Variants in IGSF21 observed in about 807,000 individuals in gnomAD.
IGSF21 encodes immunoglobulin superfamily member 21.
In IGSF21, 28 loss-of-function variants were observed where a neutral mutation model predicts 46.8. The ratio of observed to expected loss-of-function variants is 0.60; its 90% CI spans 0.44 to 0.82. The LOEUF is 0.82. Among genes scored for constraint, IGSF21 ranks in the 40% least tolerant of loss-of-function variants. The pLI, the probability that IGSF21 is intolerant of heterozygous loss-of-function variation, is 0.00. For missense variants in IGSF21, 624 were observed against 665.5 expected, an observed-to-expected ratio of 0.94 and a Z score of 0.69; for synonymous variants, 284 against 273.6, an observed-to-expected ratio of 1.04 and a Z score of -0.38.
At chr1:18,160,924 T>C (rs2086614594) in intron 1 of IGSF21, among the ~76,000 whole-genome samples, 1 of 152,154 alleles carries the variant, frequency 6.6e-6, no homozygotes, top group Non-Finnish European at 1.5e-5. Flanking sequence ...TGACTTGGCC[T>C]GCTCGAGATG....
At chr1:18,242,059 T>C (rs2084735747) in intron 2 of IGSF21, among the ~76,000 whole-genome samples, 1 of 151,674 alleles carries the variant, frequency 6.6e-6, no homozygotes, top group Non-Finnish European at 1.5e-5. Context: ...GTCCTCATCA[T>C]CACCCTGCCG....
In IGSF21 at chr1:18,229,078, A is replaced by AATGACTTGGTTCATGGGCTATAGT. The variant is rs1466351698; in HGVS notation, c.183+1069_183+1092dup. ...GCTGGCTGTACAGAACAGGCTATAG[A>AATGACTTGGTTCATGGGCTATAGT]ATGACTTGGTTCATGGGCTATAGTT... On this transcript the variant is annotated intron_variant, in intron 2 of 9. Coordinates refer to ENST00000251296, the MANE Select transcript of IGSF21 (RefSeq NM_032880.5). 3.6e-3 allele frequency among the ~76,000 whole-genome samples: 542 copies of AATGACTTGGTTCATGGGCTATAGT among 152,264 alleles called. 11 individuals carry two copies. Among genetic ancestry groups the AATGACTTGGTTCATGGGCTATAGT allele is most frequent in the Non-Finnish European group, 6.0e-4 (41 of 68,020 alleles).
chr1:18,155,313 A>G (rs2086558780), intron 1 of IGSF21, among the ~76,000 whole-genome samples: 1 of 152,120 alleles, frequency 6.6e-6, no homozygotes, highest in Admixed American at 6.5e-5. Context: ...GAGTCCTCTG[A>G]GTTTTGGCCC....
chr1:18,184,414 T>A (rs1339333482), intron 1 of IGSF21, among the ~76,000 whole-genome samples: 1 of 152,206 alleles, frequency 6.6e-6, no homozygotes, highest in Non-Finnish European at 1.5e-5. Context: ...CGGTCCTGGT[T>A]AAGCCAAGCT....
rs548135994 is a variant in IGSF21 at position 18,322,092 on chromosome 1, T to C, written c.306-12800T>C. Reference sequence around the variant, plus strand: ...CTAGAGAGGTTATTAGCTATTATTGTTCTTATTGCAAAAGGCTTTCCCTGA... The same window carrying C: ...CTAGAGAGGTTATTAGCTATTATTGCTCTTATTGCAAAAGGCTTTCCCTGA... On this transcript the variant is annotated intron_variant, in intron 3 of 9. Coordinates refer to ENST00000251296, the MANE Select transcript of IGSF21 (RefSeq NM_032880.5). The surrounding 1 kb of genome is among the most constrained non-coding windows in gnomAD (Gnocchi z 4.3). Among the ~76,000 whole-genome samples, 1 of 152,288 alleles carries C rather than the reference T, an allele frequency of 6.6e-6. No homozygotes were observed. Among genetic ancestry groups the C allele is most frequent in the Admixed American group, 6.5e-5 (1 of 15,298 alleles).
intron 2 of IGSF21, among the ~76,000 whole-genome samples, chr1:18,273,415 T>TTTCCTTTCC (rs2085064782): frequency 5.9e-5 from 5 of 84,968 alleles, no homozygotes; most frequent in Admixed American, 1.4e-4. Context: ...CTTTCCTTTC[T>TTTCCTTTCC]TTTCCTTTCC....
intron 1 of IGSF21, among the ~76,000 whole-genome samples, chr1:18,184,435 C>T (rs530700027): frequency 1.4e-4 from 21 of 152,302 alleles, no homozygotes; most frequent in Middle Eastern, 3.4e-3. Context: ...ACACAGATTT[C>T]GTTCCTTTAA....
At chr1:18,301,761 T>C (rs992870843) in intron 3 of IGSF21, among the ~76,000 whole-genome samples, 6 of 152,162 alleles carry the variant, frequency 3.9e-5, no homozygotes, top group Admixed American at 3.9e-4. Flanking sequence ...CTACCCAGGA[T>C]GCTTGGTCCC....
intron 3 of IGSF21, among the ~76,000 whole-genome samples, chr1:18,327,577 T>C (rs2085669987): frequency 6.6e-6 from 1 of 151,994 alleles, no homozygotes; most frequent in Non-Finnish European, 1.5e-5. Context: ...GACGCAACAA[T>C]TGGTGAAGGC....
At position 18,376,940 on chromosome 1, in the gene IGSF21, C is replaced by G; in HGVS notation, c.1242C>G (p.Thr414=). ...TCAATGGCTCCATGTATCGCTGCACCGCCCAGAACCCACTGGGCTCCACCG... is the reference window on the plus strand; with the variant it reads ...TCAATGGCTCCATGTATCGCTGCACGGCCCAGAACCCACTGGGCTCCACCG... ...AELNGSMYRC[T]AQNPLGSTDT... is the part of the protein sequence containing the mutation. The change falls in exon 8 of 10, where the codon ACC becomes ACG. Residue 414 remains threonine (T), a synonymous_variant. Transcript: ENST00000251296. 1.9e-6 allele frequency: 3 copies of G among 1,606,832 alleles called. No homozygotes were observed. Among genetic ancestry groups the G allele is most frequent in the Non-Finnish European group, 2.6e-6 (3 of 1,174,034 alleles).
Position 18,273,424 on chromosome 1 carries a change from CCTT to C in IGSF21, c.184-18441_184-18439del, listed in dbSNP as rs1557618261. Among the ~76,000 whole-genome samples the C allele has an allele frequency of 5.6e-5, 8 of 141,748 alleles. No individual in the cohort carries two copies. In the East Asian group the frequency reaches 6.0e-4, roughly 11 times the overall value. 93.0% of individuals were successfully genotyped at this position (141,748 alleles called of 152,430 possible). On this transcript the variant is annotated intron_variant, in intron 2 of 9. Transcript: ENST00000251296. ...CCTTTCCTTTCCTTTCTTTTCCTTT[CCTT>C]TCCTTTCTTTCTTTCTCACTTTCTT...
At chr1:18,225,992 G>A (rs1025671994) in intron 1 of IGSF21, among the ~76,000 whole-genome samples, 2 of 152,188 alleles carry the variant, frequency 1.3e-5, no homozygotes, top group Non-Finnish European at 2.9e-5. Context: ...CTCTCTCCTA[G>A]GAGTGTCCTG....
chr1:18,307,715 G>A (rs889314730), intron 3 of IGSF21, among the ~76,000 whole-genome samples: 3 of 152,222 alleles, frequency 2.0e-5, no homozygotes, highest in Non-Finnish European at 2.9e-5. Context: ...GGCCTCTGCC[G>A]GGAGCTATCA....
chr1:18,339,974 C>T (rs1156482498), intron 4 of IGSF21, among the ~76,000 whole-genome samples: 1 of 152,166 alleles, frequency 6.6e-6, no homozygotes, highest in Admixed American at 6.6e-5. Flanking sequence ...GGTCCAAATC[C>T]CAATTAGTGT....
intron 2 of IGSF21, among the ~76,000 whole-genome samples, chr1:18,244,877 T>C (rs754187130): frequency 4.6e-5 from 7 of 152,212 alleles, no homozygotes; most frequent in African/African-American, 7.2e-5. Flanking sequence ...GAAAAATGTA[T>C]ATCCTGGAAC....
chr1:18,205,118 G>C (rs528489246), intron 1 of IGSF21, among the ~76,000 whole-genome samples: 99 of 151,258 alleles, frequency 6.5e-4, no homozygotes, highest in Non-Finnish European at 1.2e-3. Flanking sequence ...GAGGAATGGG[G>C]GAGAGAAGAA....
intron 8 of IGSF21, 83 bp from the exon 9 acceptor site, chr1:18,377,310 C>A (rs192857538): frequency 9.1e-6 from 11 of 1,206,628 alleles, no homozygotes; most frequent in Non-Finnish European, 1.4e-5. Context: ...TACCTCACAG[C>A]AGGTGCTGGG....
chr1:18,298,462 A>G (rs2085332213), intron 3 of IGSF21, among the ~76,000 whole-genome samples: 1 of 152,182 alleles, frequency 6.6e-6, no homozygotes, highest in South Asian at 2.1e-4. Flanking sequence ...CGAGGCTTCA[A>G]CCACTCCTCC....
chr1:18,257,868 C>A (rs927877432), intron 2 of IGSF21, among the ~76,000 whole-genome samples: 4 of 152,160 alleles, frequency 2.6e-5, no homozygotes, highest in African/African-American at 9.7e-5. Flanking sequence ...ACTTCTCCCT[C>A]CCCCTCATGA....
Sources: allele counts gnomAD v4.1 joint callset (sites outside exome capture counted in the v4.1 genomes callset), GRCh38; gene constraint gnomAD v4.1.1; non-coding constraint Gnocchi (gnomAD v3.1); transcripts MANE v1.5; gene names NCBI Gene and HGNC (gene_info 2026-07-23, HGNC 2026-07-21).